Variants in LDLRAD3 observed in about 807,000 individuals in gnomAD.
The protein encoded by LDLRAD3 is low density lipoprotein receptor class A domain containing 3, also known as low-density lipoprotein receptor class A domain-containing protein 3.
LDLRAD3 carries 20 observed loss-of-function variants against 29.4 expected under a neutral mutation model. The ratio of observed to expected loss-of-function variants is 0.68; its 90% CI spans 0.48 to 0.99. LDLRAD3 has a LOEUF of 0.99. Ranked by LOEUF, LDLRAD3 falls within the 50% of genes least tolerant of loss-of-function variation. The probability of loss-of-function intolerance (pLI) is 0.00; values close to 1 mark genes in which losing one functional copy is unlikely to be tolerated. For missense variants in LDLRAD3, 420 were observed against 454.3 expected, an observed-to-expected ratio of 0.92 and a Z score of 0.69; for synonymous variants, 157 against 192.7, an observed-to-expected ratio of 0.81 and a Z score of 1.53.
intron 4 of LDLRAD3, among the ~76,000 whole-genome samples, chr11:36,216,922 G>A (rs12290499): frequency 0.014 from 2,122 of 152,276 alleles, 62 homozygotes; most frequent in African/African-American, 0.048. Flanking sequence ...AGGAGAGGAG[G>A]GAGCAGAGAG....
intron 1 of LDLRAD3, among the ~76,000 whole-genome samples, chr11:35,990,171 T>C (rs534499480): frequency 6.6e-6 from 1 of 152,286 alleles, no homozygotes; most frequent in East Asian, 1.9e-4. Context: ...CGTAAGGATT[T>C]TATTTATAGT....
At chr11:36,093,719 C>G (rs1284726134) in intron 3 of LDLRAD3, among the ~76,000 whole-genome samples, 1 of 152,030 alleles carries the variant, frequency 6.6e-6, no homozygotes, top group East Asian at 1.9e-4. Flanking sequence ...TGTCCCATGT[C>G]CAAGAAGAAT....
chr11:36,226,867 A>C (rs1855505849), intron 4 of LDLRAD3, among the ~76,000 whole-genome samples: 1 of 152,168 alleles, frequency 6.6e-6, no homozygotes, highest in African/African-American at 2.4e-5. Flanking sequence ...AGTATTTATT[A>C]ACTTTTTATG....
intron 1 of LDLRAD3, among the ~76,000 whole-genome samples, chr11:36,003,426 A>G (rs1851848518): frequency 1.3e-5 from 2 of 152,146 alleles, no homozygotes; most frequent in Non-Finnish European, 2.9e-5. Flanking sequence ...GAGGCCTGTG[A>G]GCTTCCAAGC....
chr11:35,961,217 T>C (rs1283291622), intron 1 of LDLRAD3, among the ~76,000 whole-genome samples: 1 of 152,048 alleles, frequency 6.6e-6, no homozygotes, highest in African/African-American at 2.4e-5. Context: ...CCCTGGAGGG[T>C]GTCTCATTCT....
chr11:36,062,786 T>C (rs959424907), intron 2 of LDLRAD3, among the ~76,000 whole-genome samples: 4 of 152,216 alleles, frequency 2.6e-5, no homozygotes, highest in Non-Finnish European at 5.9e-5. Flanking sequence ...ACCACGATTG[T>C]AAGTTTCCTG....
intron 4 of LDLRAD3, among the ~76,000 whole-genome samples, chr11:36,208,494 C>T (rs1200861372): frequency 6.6e-6 from 1 of 152,204 alleles, no homozygotes. Flanking sequence ...TTGCATGATG[C>T]CCCTTCCGTA....
chr11:35,966,589 A>G (rs1851344797), intron 1 of LDLRAD3, among the ~76,000 whole-genome samples: 1 of 152,204 alleles, frequency 6.6e-6, no homozygotes, highest in African/African-American at 2.4e-5. Context: ...ACGTGGCCAC[A>G]AGAGGGACAG....
At chr11:36,082,904 TTTC>T (rs1208742303) in intron 3 of LDLRAD3, among the ~76,000 whole-genome samples, 1 of 152,210 alleles carries the variant, frequency 6.6e-6, no homozygotes, top group Non-Finnish European at 1.5e-5. Context: ...CTGGTCACTG[TTTC>T]TTCTTCTTTC....
rs1274442289 is a variant in LDLRAD3, at chr11:36,227,155, C to T, written c.525C>T (p.Ala175=). Residue 175 remains alanine, a synonymous_variant, in exon 5 of 6, where the codon GCC becomes GCT. Coordinates refer to ENST00000315571, the MANE Select transcript of LDLRAD3 (RefSeq NM_174902.4). ...QLVYYPSITY[A]IIGSSVIFVL... is the part of the protein sequence containing the mutation. ...TGTATTACCCCAGCATCACCTATGC[C>T]ATCATCGGCAGCTCCGTCATTTTTG... is the stretch of plus-strand genomic sequence containing the variant. 1 of 1,614,074 alleles carries T rather than the reference C, an allele frequency of 6.2e-7. No homozygotes were observed. Among genetic ancestry groups the T allele is most frequent in the Admixed American group, 1.7e-5 (1 of 60,010 alleles).
At chr11:35,990,254 C>G (rs1185541377) in intron 1 of LDLRAD3, among the ~76,000 whole-genome samples, 1 of 152,166 alleles carries the variant, frequency 6.6e-6, no homozygotes. Flanking sequence ...ACACTTTACT[C>G]TCTCACAGTT....
intron 2 of LDLRAD3, among the ~76,000 whole-genome samples, chr11:36,043,173 G>A (rs985837885): frequency 8.5e-5 from 13 of 152,164 alleles, no homozygotes; most frequent in African/African-American, 3.1e-4. Context: ...TTAGCTAGAT[G>A]TGTTGGCGGG....
chr11:36,172,833 T>G (rs1260092561), intron 4 of LDLRAD3, among the ~76,000 whole-genome samples: 2 of 152,228 alleles, frequency 1.3e-5, no homozygotes, highest in East Asian at 3.8e-4. Flanking sequence ...AGGGTGATAC[T>G]GGCTTCATAG....
chr11:36,199,374 A>G (rs557320612), intron 4 of LDLRAD3, among the ~76,000 whole-genome samples: 1 of 152,228 alleles, frequency 6.6e-6, no homozygotes, highest in Non-Finnish European at 1.5e-5. Flanking sequence ...AGTCACCTTT[A>G]TAGAAGATAC....
intron 2 of LDLRAD3, among the ~76,000 whole-genome samples, chr11:36,052,229 G>C (rs1852539674): frequency 6.6e-6 from 1 of 152,192 alleles, no homozygotes. Flanking sequence ...AAAGCAAACT[G>C]TTTTGAACAG....
At chr11:36,000,730 T>C (rs1851813127) in intron 1 of LDLRAD3, among the ~76,000 whole-genome samples, 2 of 152,062 alleles carry the variant, frequency 1.3e-5, no homozygotes, top group Non-Finnish European at 2.9e-5. Context: ...ATGCAGGCCA[T>C]GAGTCTTCAA....
intron 4 of LDLRAD3, among the ~76,000 whole-genome samples, chr11:36,118,034 G>C (rs1853698736): frequency 6.6e-6 from 1 of 152,238 alleles, no homozygotes; most frequent in African/African-American, 2.4e-5. Flanking sequence ...GGCTGAGAGA[G>C]GGCATTTGGA....
intron 4 of LDLRAD3, among the ~76,000 whole-genome samples, chr11:36,177,607 T>A (rs374255933): frequency 6.6e-6 from 1 of 152,216 alleles, no homozygotes; most frequent in Admixed American, 6.5e-5. Flanking sequence ...AGCCACCCAG[T>A]GGAGCTACTG....
At chr11:36,143,901 GCTCCCTCTCCCTCTCCCTCT>G (rs1854123567) in intron 4 of LDLRAD3, among the ~76,000 whole-genome samples, 2 of 60,524 alleles carry the variant, frequency 3.3e-5, no homozygotes, top group African/African-American at 1.2e-4. Context: ...AGTGTTGGAG[GCTCCCTCTCCCTCTCCCTCT>G]CCCCCTCCCC....
Sources: gnomAD v4.1 joint callset for allele counts (sites outside exome capture counted in the v4.1 genomes callset) on GRCh38, gnomAD v4.1.1 for gene constraint, MANE v1.5 for transcripts, NCBI Gene and HGNC (gene_info 2026-07-23, HGNC 2026-07-21) for gene names.